DLGAP2: variants seen among roughly 807,000 people sequenced by gnomAD.
DLGAP2 encodes DLG associated protein 2, also known as disks large-associated protein 2.
DLGAP2 carries 26 observed loss-of-function variants against 100.3 expected under a neutral mutation model. That is an observed-to-expected ratio of 0.26 (90% CI 0.19 to 0.36). The LOEUF is 0.36. Among genes scored for constraint, DLGAP2 ranks in the 10% least tolerant of loss-of-function variants. The pLI is 1.00. For missense variants in DLGAP2, 1,858 were observed against 1,453.2 expected (o/e 1.28, Z -4.53); for synonymous variants, 886 against 630.1 (o/e 1.41, Z -6.08).
intron 4 of DLGAP2, among the ~76,000 whole-genome samples, chr8:1,536,260 T>A (rs1024886250): frequency 6.6e-6 from 1 of 152,140 alleles, no homozygotes; most frequent in African/African-American, 2.4e-5. Context: ...GGAGCAGTAA[T>A]GTTGTCATCT....
chr8:1,356,274 G>C (rs1396798092), intron 3 of DLGAP2, among the ~76,000 whole-genome samples: 1 of 152,350 alleles, frequency 6.6e-6, no homozygotes, highest in South Asian at 2.1e-4. Context: ...CCTGCTGTCA[G>C]CTGTCCTCTG....
chr8:1,475,532 T>A (rs1379755591), intron 3 of DLGAP2, among the ~76,000 whole-genome samples: 1 of 152,154 alleles, frequency 6.6e-6, no homozygotes, highest in African/African-American at 2.4e-5. Flanking sequence ...GCAGGCTGTT[T>A]CGTGAGGATC....
At chr8:982,996 T>C (rs2129014795) in intron 2 of DLGAP2, among the ~76,000 whole-genome samples, 1 of 152,034 alleles carries the variant, frequency 6.6e-6, no homozygotes, top group African/African-American at 2.4e-5. Context: ...TTCCTATTTC[T>C]ATATAGAGCC....
chr8:1,210,677 T>C (rs1798084906), intron 2 of DLGAP2, among the ~76,000 whole-genome samples: 1 of 152,130 alleles, frequency 6.6e-6, no homozygotes, highest in African/African-American at 2.4e-5. Context: ...GAAGTGAGTC[T>C]GGGGCCACTT....
chr8:1,158,861 C>G (rs1022526178), intron 2 of DLGAP2, among the ~76,000 whole-genome samples: 10 of 152,236 alleles, frequency 6.6e-5, no homozygotes, highest in African/African-American at 2.4e-4. Context: ...GGGATTCTTA[C>G]TTCCTATTTT....
intron 3 of DLGAP2, among the ~76,000 whole-genome samples, chr8:1,372,395 ACACCGTCTTGCC>A (rs747167771): frequency 7.9e-5 from 12 of 152,182 alleles, no homozygotes; most frequent in Non-Finnish European, 1.3e-4. Flanking sequence ...AGCAAAGCAG[ACACCGTCTTGCC>A]CTCACTCCTC....
rs149942948 is a variant in DLGAP2 at position 1,536,980 on chromosome 8, C to T, written c.173-11646C>T. On this transcript the variant is annotated intron_variant, in intron 4 of 14. Coordinates refer to ENST00000637795, the MANE Select transcript of DLGAP2 (RefSeq NM_001346810.2). ...CTGTTGGCTCATTTAATGCTCACCACGACCCTCCAAGGCCGGTACAATGAT... is the reference window on the plus strand; with the variant it reads ...CTGTTGGCTCATTTAATGCTCACCATGACCCTCCAAGGCCGGTACAATGAT... 7.9e-5 allele frequency among the ~76,000 whole-genome samples: 12 copies of T among 152,140 alleles called. No homozygotes were observed. The East Asian group carries it at 1.9e-3, about 25-fold the overall frequency.
intron 3 of DLGAP2, among the ~76,000 whole-genome samples, chr8:1,489,068 GT>G (rs1220885974): frequency 6.6e-6 from 1 of 152,164 alleles, no homozygotes; most frequent in Non-Finnish European, 1.5e-5. Context: ...AGGAAGCAAG[GT>G]GTCACCCTGT....
intron 2 of DLGAP2, among the ~76,000 whole-genome samples, chr8:1,254,999 CATCCTGCTTGGGCG>C (rs1799150347): frequency 1.8e-5 from 2 of 112,200 alleles, no homozygotes; most frequent in African/African-American, 4.8e-5. Context: ...TGTGTCCTCT[CATCCTGCTTGGGCG>C]CTGTGTGTGT....
At chr8:903,975 G>T (rs904600120) in intron 1 of DLGAP2, among the ~76,000 whole-genome samples, 1 of 152,254 alleles carries the variant, frequency 6.6e-6, no homozygotes, top group Non-Finnish European at 1.5e-5. Context: ...TGAGGAAGAG[G>T]CGTGGCCGGG....
intron 2 of DLGAP2, among the ~76,000 whole-genome samples, chr8:1,222,627 G>A (rs533762889): frequency 2.6e-5 from 4 of 152,128 alleles, no homozygotes; most frequent in African/African-American, 7.2e-5. Context: ...AAGGCTGCAG[G>A]TGGGTGTACA....
At chr8:1,173,272 G>C (rs1374911432) in intron 2 of DLGAP2, among the ~76,000 whole-genome samples, 1 of 152,186 alleles carries the variant, frequency 6.6e-6, no homozygotes, top group Non-Finnish European at 1.5e-5. Context: ...CCGGCCACGT[G>C]AGGTGTCAGT....
chr8:1,062,678 T>C (rs1010717560), intron 2 of DLGAP2, among the ~76,000 whole-genome samples: 95 of 152,272 alleles, frequency 6.2e-4, no homozygotes, highest in Admixed American at 7.8e-4. Flanking sequence ...GGTCTTGCCT[T>C]TCTTATAAGT....
intron 3 of DLGAP2, among the ~76,000 whole-genome samples, chr8:1,411,126 C>T (rs1279166561): frequency 6.6e-6 from 1 of 152,110 alleles, no homozygotes; most frequent in African/African-American, 2.4e-5. Flanking sequence ...GTCTCTTGTT[C>T]TGGAAACCCA....
chr8:1,466,572 T>A (rs1014511066), intron 3 of DLGAP2, among the ~76,000 whole-genome samples: 1 of 151,930 alleles, frequency 6.6e-6, no homozygotes, highest in Non-Finnish European at 1.5e-5. Flanking sequence ...CCATATGTGA[T>A]AAAAACCTTA....
At chr8:965,318 CT>C (rs1174802462) in intron 2 of DLGAP2, among the ~76,000 whole-genome samples, 169 of 107,928 alleles carry the variant, frequency 1.6e-3, no homozygotes, top group Middle Eastern at 7.0e-3. Context: ...AGTCTGACCC[CT>C]GCGCTGCACA....
chr8:1,196,228 A>G (rs1797746683), intron 2 of DLGAP2, among the ~76,000 whole-genome samples: 1 of 152,222 alleles, frequency 6.6e-6, no homozygotes, highest in Non-Finnish European at 1.5e-5. Flanking sequence ...ATTCTTTTAG[A>G]AGTAGGCCAC....
chr8:1,599,790 T>C (rs1796568967), intron 6 of DLGAP2, among the ~76,000 whole-genome samples: 1 of 152,168 alleles, frequency 6.6e-6, no homozygotes, highest in Non-Finnish European at 1.5e-5. Context: ...ATGGGTCTCC[T>C]GAATACAGCA....
At chr8:1,130,028 G>C (rs1279106102) in intron 2 of DLGAP2, among the ~76,000 whole-genome samples, 1 of 152,126 alleles carries the variant, frequency 6.6e-6, no homozygotes, top group Admixed American at 6.5e-5. Context: ...AGCTCACGTC[G>C]GGCACTTCAC....
Sources: allele counts gnomAD v4.1 joint callset (sites outside exome capture counted in the v4.1 genomes callset), GRCh38; gene constraint gnomAD v4.1.1; transcripts MANE v1.5; gene names NCBI Gene and HGNC (gene_info 2026-07-23, HGNC 2026-07-21).